The following FER1L6 variants were observed in gnomAD, a reference collection of about 807,000 sequenced individuals.
FER1L6 encodes the protein fer-1 like family member 6, also known as fer-1-like protein 6.
Under a neutral mutation model 219.2 loss-of-function variants are expected in FER1L6, and 177 were observed. The ratio of observed to expected loss-of-function variants is 0.81; its 90% CI spans 0.71 to 0.91. The LOEUF (loss-of-function observed/expected upper bound fraction) is 0.91, where lower values mean the gene tolerates loss of function less well. Among genes scored for constraint, FER1L6 ranks in the 40% least tolerant of loss-of-function variants. FER1L6 has a pLI of 0.00. For synonymous variants in FER1L6, 768 were observed against 824.3 expected (o/e 0.93, Z 1.17); for missense variants, 2,153 against 2,259.9 (o/e 0.95, Z 0.96).
At position 124,021,746 on chromosome 8, in the gene FER1L6, G is replaced by A. The variant is rs113677063; in HGVS notation, c.2133+77G>A. The A allele has an allele frequency of 3.6e-3, 5,468 of 1,537,992 alleles. 172 individuals carry two copies. The African/African-American group carries it at 0.065, about 18-fold the overall frequency. On this transcript the variant is annotated intron_variant, in intron 17 of 40. Transcript: ENST00000522917. ...CCAGGGAGGTTTGAATGGTTGGTAC[G>A]GGTGAAATATGAATCAATGTTTTTC...
chr8:124,103,266 G>T lies in FER1L6; in HGVS notation c.5246G>T (p.Arg1749Leu). 6.2e-7 allele frequency: 1 copy of T among 1,614,056 alleles called. No individual in the cohort carries two copies. The highest frequency in any genetic ancestry group is 8.5e-7 in the Non-Finnish European group (1 of 1,179,990). ...ETKISIFQQK[R>L]VRGWWPFSKS... ...AAGATCTCTATATTCCAGCAAAAACGTGTGCGTGGCTGGTGGCCTTTTTCT... is the reference window on the plus strand; with the variant it reads ...AAGATCTCTATATTCCAGCAAAAACTTGTGCGTGGCTGGTGGCCTTTTTCT... The change falls in exon 39 of 41, where the codon CGT (arginine) becomes CTT (leucine). Residue 1749 changes from arginine (R) to leucine (L), a missense_variant. By Grantham distance (102) the Arg-to-Leu change is moderately radical (BLOSUM62 -2). Transcript: ENST00000522917.
chr8:123,949,866 T>C (rs1341875663), intron 1 of FER1L6, among the ~76,000 whole-genome samples: 1 of 151,980 alleles, frequency 6.6e-6, no homozygotes, highest in Admixed American at 6.6e-5. Flanking sequence ...AAGCAATATA[T>C]GGGAGGAAGA....
At chr8:124,080,764 G>C (rs1039390961) in intron 32 of FER1L6, among the ~76,000 whole-genome samples, 1 of 152,188 alleles carries the variant, frequency 6.6e-6, no homozygotes, top group African/African-American at 2.4e-5. Context: ...AGTCCTTTCA[G>C]TGACAGTAAT....
At position 123,975,078 on chromosome 8, in the gene FER1L6, G is replaced by A. The variant is rs370832099; in HGVS notation, c.527-72G>A. ...GGAGGAGAGCCTGGGAGGCCTTGGC[G>A]TGTGGGAGAGAAAGGGGTGGGGCTG... On this transcript the variant is annotated intron_variant, in intron 7 of 40. Coordinates refer to ENST00000522917, the MANE Select transcript of FER1L6 (RefSeq NM_001039112.2). 525 of 1,391,830 alleles carry A rather than the reference G, an allele frequency of 3.8e-4. 7 individuals carry two copies. The South Asian group carries it at 6.9e-3, about 18-fold the overall frequency. 86.2% of individuals were successfully genotyped at this position (1,391,830 alleles called of 1,614,324 possible). A position where few individuals can be genotyped will look rare whatever the true frequency, so the allele number is the denominator to read the frequency against.
chr8:123,939,517 T>G (rs768274982), intron 1 of FER1L6, among the ~76,000 whole-genome samples: 11 of 152,102 alleles, frequency 7.2e-5, no homozygotes, highest in Non-Finnish European at 1.3e-4. Flanking sequence ...TCTTTAGGCT[T>G]TGTGGGTCTG....
chr8:124,106,241 A>G (rs1822765618), intron 39 of FER1L6, among the ~76,000 whole-genome samples: 1 of 145,744 alleles, frequency 6.9e-6, no homozygotes, highest in Non-Finnish European at 1.5e-5. Flanking sequence ...AGGCAGAAGA[A>G]TGGTGTGAAC....
At chr8:124,062,622 T>C (rs979437573) in intron 25 of FER1L6, among the ~76,000 whole-genome samples, 1 of 152,240 alleles carries the variant, frequency 6.6e-6, no homozygotes, top group Non-Finnish European at 1.5e-5. Context: ...ATTAGCCTGT[T>C]ACTATTACTC....
intron 1 of FER1L6, among the ~76,000 whole-genome samples, chr8:123,929,054 G>T (rs1029963470): frequency 2.0e-5 from 3 of 152,154 alleles, no homozygotes. Context: ...GTCTCCTGAG[G>T]ATTAAAAGAT....
intron 12 of FER1L6, among the ~76,000 whole-genome samples, chr8:123,998,463 A>G (rs1052189348): frequency 7.7e-6 from 1 of 130,652 alleles, no homozygotes; most frequent in Non-Finnish European, 1.6e-5. Flanking sequence ...GGGTGACACA[A>G]GCACTTCTGT....
intron 1 of FER1L6, among the ~76,000 whole-genome samples, chr8:123,897,984 G>C (rs1477701302): frequency 6.6e-6 from 1 of 152,052 alleles, no homozygotes; most frequent in Non-Finnish European, 1.5e-5. Context: ...TTTAACTTTA[G>C]TTACAGAAGC....
chr8:124,068,012 T>G (rs1212551050), intron 28 of FER1L6, among the ~76,000 whole-genome samples: 1 of 152,224 alleles, frequency 6.6e-6, no homozygotes, highest in South Asian at 2.1e-4. Flanking sequence ...TTCTTCTGAA[T>G]TCAGCTCAGT....
intron 39 of FER1L6, among the ~76,000 whole-genome samples, chr8:124,115,856 T>C (rs1823224030): frequency 6.6e-6 from 1 of 152,248 alleles, no homozygotes; most frequent in Non-Finnish European, 1.5e-5. Context: ...CAGATCTGTC[T>C]ATTCACAAGT....
intron 18 of FER1L6, among the ~76,000 whole-genome samples, chr8:124,025,335 T>C (rs1192452045): frequency 6.6e-6 from 1 of 152,176 alleles, no homozygotes; most frequent in Non-Finnish European, 1.5e-5. Context: ...CTTTAATCCA[T>C]CTTGAGTTAA....
Position 123,952,285 on chromosome 8 carries a change from C to T in FER1L6, c.-7-3707C>T, listed in dbSNP as rs902477854. ...GGCCTACATGAGACCCACACTCAAG[C>T]AGTCCAGCCCCTCTTTCTTGTGCCA... is the stretch of plus-strand genomic sequence containing the variant. On this transcript the variant is annotated intron_variant, in intron 1 of 40. Transcript: ENST00000522917. Among the ~76,000 whole-genome samples, 9 of 152,326 alleles carry T rather than the reference C, an allele frequency of 5.9e-5. No individual in the cohort carries two copies. The East Asian group carries it at 1.7e-3, about 29-fold the overall frequency.
At chr8:124,062,446 T>C (rs1284482801) in intron 25 of FER1L6, among the ~76,000 whole-genome samples, 2 of 152,166 alleles carry the variant, frequency 1.3e-5, no homozygotes, top group Non-Finnish European at 2.9e-5. Context: ...TTATTCCTTA[T>C]CTCTAATCCC....
chr8:124,110,400 CTT>C (rs1397259266), intron 39 of FER1L6, among the ~76,000 whole-genome samples: 4 of 152,196 alleles, frequency 2.6e-5, no homozygotes, highest in Non-Finnish European at 5.9e-5. Flanking sequence ...CTTCTACACT[CTT>C]GAGTCCTAAC....
chr8:123,945,645 G>T (rs1479041715), intron 1 of FER1L6, among the ~76,000 whole-genome samples: 1 of 152,198 alleles, frequency 6.6e-6, no homozygotes, highest in African/African-American at 2.4e-5. Flanking sequence ...GCACTGAGTT[G>T]CCTCATTATA....
intron 33 of FER1L6, among the ~76,000 whole-genome samples, chr8:124,089,859 T>A (rs1451191500): frequency 6.6e-6 from 1 of 152,222 alleles, no homozygotes; most frequent in Non-Finnish European, 1.5e-5. Context: ...TCTCAAGCAT[T>A]TTATGTCATT....
intron 30 of FER1L6, 40 bp from the exon 31 acceptor site, chr8:124,071,466 T>C: frequency 6.2e-7 from 1 of 1,611,848 alleles, no homozygotes; most frequent in East Asian, 2.2e-5. Context: ...GTGGGACATA[T>C]GACCATCTCA....
Sources: gnomAD v4.1 joint callset for allele counts (sites outside exome capture counted in the v4.1 genomes callset) on GRCh38, gnomAD v4.1.1 for gene constraint, MANE v1.5 for transcripts, NCBI Gene and HGNC (gene_info 2026-07-23, HGNC 2026-07-21) for gene names.